The following VPS13B variants were observed in gnomAD, a reference collection of about 807,000 sequenced individuals.
The protein encoded by VPS13B is intermembrane lipid transfer protein VPS13B.
A neutral mutation model predicts 426.4 loss-of-function variants in VPS13B; 285 were observed. The observed-to-expected ratio is 0.67, with a 90% confidence interval of 0.61 to 0.74. VPS13B has a LOEUF of 0.74. VPS13B is among the 30% of genes least tolerant of loss of function. VPS13B has a pLI of 0.00. For synonymous variants in VPS13B, 1,676 were observed against 1,676.4 expected (o/e 1.00, Z 0.01); for missense variants, 4,537 against 4,782.6 (o/e 0.95, Z 1.51).
intron 12 of VPS13B, among the ~76,000 whole-genome samples, chr8:99,137,793 T>A (rs376486627): frequency 6.6e-6 from 1 of 152,214 alleles, no homozygotes; most frequent in South Asian, 2.1e-4. Flanking sequence ...TTGCATTTTA[T>A]AGTCCAAAGT....
chr8:99,096,267 A>AGT, intron 3 of VPS13B, 45 bp from the exon 4 acceptor site: 1 of 1,610,468 alleles, frequency 6.2e-7, no homozygotes, highest in South Asian at 1.1e-5. Flanking sequence ...TTAATTCTTG[A>AGT]GTATGATCGA....
intron 19 of VPS13B, among the ~76,000 whole-genome samples, chr8:99,277,310 A>G (rs1035827116): frequency 6.6e-6 from 1 of 152,096 alleles, no homozygotes; most frequent in African/African-American, 2.4e-5. Context: ...ACATTCACAT[A>G]GTTTATTTAT....
intron 20 of VPS13B, chr8:99,389,870 A>C (rs1047972515): frequency 6.6e-6 from 1 of 152,142 alleles, no homozygotes; most frequent in South Asian, 2.1e-4. Context: ...GGAGTCACTA[A>C]ATATTAGAGT....
chr8:99,685,316 A>G (rs1485472081), intron 35 of VPS13B, among the ~76,000 whole-genome samples: 1 of 152,234 alleles, frequency 6.6e-6, no homozygotes, highest in Admixed American at 6.5e-5. Flanking sequence ...TCATCTCACA[A>G]TTCTATGGTT....
intron 29 of VPS13B, among the ~76,000 whole-genome samples, chr8:99,515,066 G>A (rs1488137218): frequency 6.6e-6 from 1 of 152,114 alleles, no homozygotes; most frequent in Non-Finnish European, 1.5e-5. Context: ...TTTATTTTCT[G>A]TGATACTTAC....
chr8:99,811,530 G>A (rs942590899), intron 44 of VPS13B, among the ~76,000 whole-genome samples: 1 of 152,126 alleles, frequency 6.6e-6, no homozygotes, highest in East Asian at 1.9e-4. Context: ...AAGTTCCCAG[G>A]TGCTGCTGAT....
At chr8:99,144,262 C>T (rs971617219) in intron 13 of VPS13B, among the ~76,000 whole-genome samples, 1 of 151,800 alleles carries the variant, frequency 6.6e-6, no homozygotes, top group Non-Finnish European at 1.5e-5. Flanking sequence ...GAGGCCAAGG[C>T]AGGAGGATTG....
chr8:99,637,278 G>A (rs1397528183), intron 33 of VPS13B, among the ~76,000 whole-genome samples: 2 of 151,986 alleles, frequency 1.3e-5, no homozygotes, highest in South Asian at 2.1e-4. Context: ...GTGGACTGGT[G>A]ACAAACCAGT....
At chr8:99,285,375 A>G (rs112666195) in intron 19 of VPS13B, among the ~76,000 whole-genome samples, 218 of 152,234 alleles carry the variant, frequency 1.4e-3, no homozygotes, top group African/African-American at 4.8e-3. Flanking sequence ...CACAAGGTCA[A>G]ATTTTTTGCA....
intron 55 of VPS13B, among the ~76,000 whole-genome samples, chr8:99,851,509 A>G (rs1165346108): frequency 6.6e-6 from 1 of 152,202 alleles, no homozygotes; most frequent in Non-Finnish European, 1.5e-5. Context: ...GGACTGGGAA[A>G]GTGTAGTTTT....
chr8:99,075,901 G>A (rs1845093786), intron 3 of VPS13B, among the ~76,000 whole-genome samples: 1 of 151,986 alleles, frequency 6.6e-6, no homozygotes, highest in South Asian at 2.1e-4. Context: ...GTTTCCTTGT[G>A]CTAGCTTTGT....
In VPS13B at chr8:99,812,404, C is replaced by T. The variant is rs1019335529; in HGVS notation, c.8097+2874C>T. On this transcript the variant is annotated intron_variant, in intron 44 of 61. Coordinates refer to ENST00000357162, the MANE Select transcript of VPS13B (RefSeq NM_152564.5). ...CATCTTGGCTTCTTTCCTTCTACCC[C>T]ACCTGGGCCTGGAAATTTGCAATAA... 4.6e-5 allele frequency among the ~76,000 whole-genome samples: 7 copies of T among 152,156 alleles called. No homozygotes were observed. In the East Asian group the frequency reaches 9.6e-4, roughly 21 times the overall value.
intron 33 of VPS13B, among the ~76,000 whole-genome samples, chr8:99,635,026 CCTCT>C (rs975610344): frequency 3.0e-4 from 46 of 150,880 alleles, no homozygotes; most frequent in African/African-American, 1.0e-3. Context: ...CATGCGACAG[CCTCT>C]CCCAACCACC....
At chr8:99,520,268 T>A (rs1485479409) in intron 29 of VPS13B, among the ~76,000 whole-genome samples, 1 of 152,104 alleles carries the variant, frequency 6.6e-6, no homozygotes, top group Non-Finnish European at 1.5e-5. Context: ...TTAAAAAGTA[T>A]CTAGAATAAC....
intron 27 of VPS13B, 82 bp downstream of exon 27, chr8:99,503,032 G>T (rs1821323059): frequency 1.8e-6 from 2 of 1,087,784 alleles, no homozygotes; most frequent in Admixed American, 1.8e-5. Flanking sequence ...ATTTTAATTT[G>T]GCTGGTTATT....
At chr8:99,194,541 A>C (rs1318161543) in intron 17 of VPS13B, among the ~76,000 whole-genome samples, 1 of 152,170 alleles carries the variant, frequency 6.6e-6, no homozygotes, top group Non-Finnish European at 1.5e-5. Flanking sequence ...TACCTGGCTT[A>C]TTTCACTTAG....
chr8:99,876,305 TTGAAAGCTGCTATGTGTATTTTCTC>T lies in VPS13B; in HGVS notation c.*644_*668del, dbSNP rs1161960906. On this transcript the variant is annotated 3_prime_UTR_variant, in exon 62 of 62. Transcript: ENST00000357162. ...TGTCATTTAACTGCAGTGCTATTCTTTGAAAGCTGCTATGTGTATTTTCTCTGAAGTCTGCATTTTACTAAAATTT... is the reference window on the plus strand; with the variant it reads ...TGTCATTTAACTGCAGTGCTATTCTTTGAAGTCTGCATTTTACTAAAATTT... 2 of 153,232 alleles carry T rather than the reference TTGAAAGCTGCTATGTGTATTTTCTC, an allele frequency of 1.3e-5. No homozygotes were observed. Among genetic ancestry groups the T allele is most frequent in the Non-Finnish European group, 2.9e-5 (2 of 68,768 alleles). 9.5% of individuals were successfully genotyped at this position (153,232 alleles called of 1,614,324 possible).
chr8:99,112,768 AAATGT>A (rs1847432305), intron 6 of VPS13B, among the ~76,000 whole-genome samples: 1 of 152,192 alleles, frequency 6.6e-6, no homozygotes, highest in Admixed American at 6.5e-5. Flanking sequence ...TCATTAGTGC[AAATGT>A]AATGGTCTAT....
At chr8:99,081,573 C>T (rs1419080565) in intron 3 of VPS13B, among the ~76,000 whole-genome samples, 2 of 116,098 alleles carry the variant, frequency 1.7e-5, no homozygotes, top group South Asian at 3.4e-4. Context: ...TATCCCTCCC[C>T]CCTCCCCCAA....
Sources: gnomAD v4.1 joint callset for allele counts (sites outside exome capture counted in the v4.1 genomes callset) on GRCh38, gnomAD v4.1.1 for gene constraint, MANE v1.5 for transcripts, NCBI Gene and HGNC (gene_info 2026-07-23, HGNC 2026-07-21) for gene names.